Variants in SLC17A8 observed in about 807,000 individuals in gnomAD.
SLC17A8 encodes the protein vesicular glutamate transporter 3.
In SLC17A8, 31 loss-of-function variants were observed where a neutral mutation model predicts 58.0. That is an observed-to-expected ratio of 0.53 (90% CI 0.40 to 0.72). SLC17A8 has a LOEUF of 0.72. SLC17A8 is among the 30% of genes least tolerant of loss of function. The pLI is 0.00. For synonymous variants in SLC17A8, 228 were observed against 249.0 expected (o/e 0.92, Z 0.79); for missense variants, 655 against 727.8 (o/e 0.90, Z 1.15).
chr12:100,358,129 A>G (rs1384119508), intron 1 of SLC17A8, among the ~76,000 whole-genome samples: 2 of 152,208 alleles, frequency 1.3e-5, no homozygotes, highest in Admixed American at 6.5e-5. Context: ...AAATATATTA[A>G]TGGAAGGAGA....
chr12:100,419,846 T>C lies in SLC17A8; in HGVS notation c.1457T>C (p.Ile486Thr), dbSNP rs763715575. Reference protein sequence around the residue: ...TREEWQNVFLIAALVHYSGVI... With the variant: ...TREEWQNVFLTAALVHYSGVI... Reference sequence around the variant, plus strand: ...GAAGAATGGCAGAATGTGTTCCTCATAGCTGCCCTGGTGCATTACAGTGGT... The same window carrying C: ...GAAGAATGGCAGAATGTGTTCCTCACAGCTGCCCTGGTGCATTACAGTGGT... Residue 486 changes from isoleucine (I) to threonine (T), a missense_variant, in exon 12 of 12, where the codon ATA becomes ACA. Ile to Thr is a moderately conservative substitution (Grantham distance 89). Coordinates refer to ENST00000323346, the MANE Select transcript of SLC17A8 (RefSeq NM_139319.3). 15 of 1,613,992 alleles carry C rather than the reference T, an allele frequency of 9.3e-6. No individual in the cohort carries two copies. Among genetic ancestry groups the C allele is most frequent in the Non-Finnish European group, 1.2e-5 (14 of 1,180,032 alleles).
intron 1 of SLC17A8, among the ~76,000 whole-genome samples, chr12:100,372,065 C>A (rs531021021): frequency 4.6e-5 from 7 of 152,222 alleles, no homozygotes; most frequent in South Asian, 2.1e-4. Context: ...ACTCAAGGAT[C>A]GTGTAAAAGA....
At chr12:100,404,502 G>GCACACACA (rs4015906) in intron 9 of SLC17A8, 12,768 of 232,896 alleles carry the variant, frequency 0.055, 734 homozygotes, top group African/African-American at 0.079. Flanking sequence ...TGGGATATAT[G>GCACACACA]CACACACACA....
At chr12:100,419,399 T>A (rs1320322235) in intron 11 of SLC17A8, among the ~76,000 whole-genome samples, 2 of 152,046 alleles carry the variant, frequency 1.3e-5, no homozygotes, top group African/African-American at 4.8e-5. Context: ...CCAGGCGTGG[T>A]GGCGGGCACC....
At chr12:100,368,936 C>A (rs1235913646) in intron 1 of SLC17A8, among the ~76,000 whole-genome samples, 1 of 152,140 alleles carries the variant, frequency 6.6e-6, no homozygotes, top group Non-Finnish European at 1.5e-5. Flanking sequence ...CTGCAATCAA[C>A]AGAATACACT....
chr12:100,403,969 G>A (rs1410239754), intron 8 of SLC17A8, 69 bp from the exon 9 acceptor site: 2 of 1,589,904 alleles, frequency 1.3e-6, no homozygotes, highest in Admixed American at 1.7e-5. Flanking sequence ...GTGGAGGTGG[G>A]CAAGGGAATT....
At chr12:100,379,556 A>G (rs981275902) in intron 1 of SLC17A8, among the ~76,000 whole-genome samples, 1 of 152,200 alleles carries the variant, frequency 6.6e-6, no homozygotes, top group Non-Finnish European at 1.5e-5. Context: ...ACTGCATTTA[A>G]TATTTATGAA....
chr12:100,413,579 T>G (rs1256620865), intron 10 of SLC17A8, among the ~76,000 whole-genome samples: 2 of 152,124 alleles, frequency 1.3e-5, no homozygotes, highest in East Asian at 3.9e-4. Flanking sequence ...CTACTATATG[T>G]GAGAGAAAGG....
intron 1 of SLC17A8, among the ~76,000 whole-genome samples, chr12:100,380,393 A>G (rs566853971): frequency 6.6e-6 from 1 of 151,960 alleles, no homozygotes; most frequent in Non-Finnish European, 1.5e-5. Flanking sequence ...ATAAAATGAC[A>G]TGATGACACT....
At chr12:100,383,718 T>A (rs1297070437) in intron 2 of SLC17A8, among the ~76,000 whole-genome samples, 1 of 152,192 alleles carries the variant, frequency 6.6e-6, no homozygotes. Flanking sequence ...ACACTTTTTT[T>A]TTTTTTTGAA....
chr12:100,421,662 T>TTG lies in SLC17A8; in HGVS notation c.*1504_*1505insGT, dbSNP rs1555328008. ...TGTAGCTTATTATTGTAAAGTGTTT[T>TTG]TTTTTTTTTTTTTTTTTTCTAATTT... On this transcript the variant is annotated 3_prime_UTR_variant, in exon 12 of 12. Coordinates refer to ENST00000323346, the MANE Select transcript of SLC17A8 (RefSeq NM_139319.3). The TTG allele has an allele frequency of 1.2e-5, 1 of 82,178 alleles. No homozygotes were observed. The highest frequency in any genetic ancestry group is 3.8e-5 in the Non-Finnish European group (1 of 26,334). 5.1% of individuals were successfully genotyped at this position (82,178 alleles called of 1,614,324 possible). A position where few individuals can be genotyped will look rare whatever the true frequency, so the allele number is the denominator to read the frequency against.
intron 1 of SLC17A8, among the ~76,000 whole-genome samples, chr12:100,374,401 C>T (rs1476507018): frequency 6.6e-6 from 1 of 152,170 alleles, no homozygotes; most frequent in Admixed American, 6.5e-5. Flanking sequence ...TGCTTGAGGC[C>T]AGAAGTTCCA....
chr12:100,376,612 G>T (rs1952596239), intron 1 of SLC17A8, among the ~76,000 whole-genome samples: 2 of 152,182 alleles, frequency 1.3e-5, no homozygotes, highest in South Asian at 4.1e-4. Flanking sequence ...GGGAGTATTA[G>T]ATTTCCCATG....
chr12:100,363,053 A>G (rs1952495166), intron 1 of SLC17A8, among the ~76,000 whole-genome samples: 1 of 152,178 alleles, frequency 6.6e-6, no homozygotes, highest in South Asian at 2.1e-4. Context: ...CCTCCTGAAG[A>G]TTAGGATCCA....
At chr12:100,395,911 C>T (rs1027498529) in intron 4 of SLC17A8, among the ~76,000 whole-genome samples, 4 of 152,224 alleles carry the variant, frequency 2.6e-5, no homozygotes, top group African/African-American at 9.7e-5. Flanking sequence ...CCGCTCCTGG[C>T]CTAGAAATGT....
At chr12:100,394,568 A>C (rs1216181942) in intron 4 of SLC17A8, among the ~76,000 whole-genome samples, 1 of 150,288 alleles carries the variant, frequency 6.7e-6, no homozygotes, top group Non-Finnish European at 1.5e-5. Context: ...CACCCGGCTA[A>C]TTTTTTGTAT....
intron 5 of SLC17A8, 64 bp downstream of exon 5, chr12:100,396,481 C>A: frequency 7.6e-7 from 1 of 1,309,466 alleles, no homozygotes; most frequent in Non-Finnish European, 1.1e-6. Context: ...CATGCAGTGG[C>A]TCACGCCTGT....
chr12:100,360,454 G>T (rs1440990940), intron 1 of SLC17A8, among the ~76,000 whole-genome samples: 4 of 151,776 alleles, frequency 2.6e-5, no homozygotes, highest in African/African-American at 9.7e-5. Context: ...CTTTTTTTTG[G>T]GATAGGGTCT....
At chr12:100,404,406 C>T (rs942351613) in intron 9 of SLC17A8, 5 of 529,978 alleles carry the variant, frequency 9.4e-6, no homozygotes, top group African/African-American at 5.7e-5. Flanking sequence ...AGTTTATTCC[C>T]TTCTCTGCTT....
Sources: gnomAD v4.1 joint callset for allele counts (sites outside exome capture counted in the v4.1 genomes callset) on GRCh38, gnomAD v4.1.1 for gene constraint, MANE v1.5 for transcripts, NCBI Gene and HGNC (gene_info 2026-07-23, HGNC 2026-07-21) for gene names.